Variants in RALGPS1 observed in about 807,000 individuals in gnomAD.
RALGPS1 encodes the protein Ral GEF with PH domain and SH3 binding motif 1.
A neutral mutation model predicts 78.8 loss-of-function variants in RALGPS1; 19 were observed. The ratio of observed to expected loss-of-function variants is 0.24; its 90% CI spans 0.17 to 0.35. The LOEUF is 0.35. Ranked by LOEUF, RALGPS1 falls within the 10% of genes least tolerant of loss-of-function variation. The pLI, the probability that RALGPS1 is intolerant of heterozygous loss-of-function variation, is 1.00. For synonymous variants in RALGPS1, 228 were observed against 256.3 expected, an observed-to-expected ratio of 0.89 and a Z score of 1.06; for missense variants, 454 against 688.3, an observed-to-expected ratio of 0.66 and a Z score of 3.81.
At chr9:127,153,078 T>C (rs780384017) in intron 8 of RALGPS1, among the ~76,000 whole-genome samples, 36 of 152,326 alleles carry the variant, frequency 2.4e-4, no homozygotes, top group African/African-American at 7.5e-4. Context: ...TCCTCCAGTG[T>C]ATGTGTTGAG....
Position 127,166,254 on chromosome 9 carries a change from T to A in RALGPS1, c.748+48T>A, listed in dbSNP as rs776516476. The A allele has an allele frequency of 6.2e-6, 10 of 1,605,364 alleles. No homozygotes were observed. The South Asian group carries it at 1.1e-4, about 18-fold the overall frequency. Reference sequence around the variant, plus strand: ...TTGTGAAATCTTACGTCATTGAAATTTGGGTCTTACCAGTGAGAAAGCTCT... The same window carrying A: ...TTGTGAAATCTTACGTCATTGAAATATGGGTCTTACCAGTGAGAAAGCTCT... On this transcript the variant is annotated intron_variant, in intron 9 of 18. Coordinates refer to ENST00000259351, the MANE Select transcript of RALGPS1 (RefSeq NM_014636.3).
chr9:127,140,996 G>A lies in RALGPS1; in HGVS notation c.611-25073G>A, dbSNP rs139840093. 6.7e-3 allele frequency among the ~76,000 whole-genome samples: 1,015 copies of A among 152,332 alleles called. 3 individuals are homozygous for A. Among genetic ancestry groups the A allele is most frequent in the South Asian group, 0.024 (114 of 4,828 alleles). On this transcript the variant is annotated intron_variant, in intron 8 of 18. Transcript: ENST00000259351. ...AGGGCTGAATAGCAGGGAGTTGGGG[G>A]TAGGCAGCTGCTGGGAAAGACCAGG...
chr9:127,021,629 T>TC (rs2045463091), intron 4 of RALGPS1, among the ~76,000 whole-genome samples: 2 of 57,166 alleles, frequency 3.5e-5, no homozygotes, highest in South Asian at 5.3e-4. Flanking sequence ...TTCTTCTTCT[T>TC]TTTTTTTTTT....
At position 127,222,749 on chromosome 9, in the gene RALGPS1, T is replaced by C. The variant is rs2096696078; in HGVS notation, c.*3980T>C. The C allele has an allele frequency of 1.3e-5, 2 of 152,688 alleles. No individual in the cohort carries two copies. Among genetic ancestry groups the C allele is most frequent in the South Asian group, 4.1e-4 (2 of 4,834 alleles). 9.5% of individuals were successfully genotyped at this position (152,688 alleles called of 1,614,324 possible). A position where few individuals can be genotyped will look rare whatever the true frequency, so the allele number is the denominator to read the frequency against. On this transcript the variant is annotated 3_prime_UTR_variant, in exon 19 of 19. Coordinates refer to ENST00000259351, the MANE Select transcript of RALGPS1 (RefSeq NM_014636.3). ...AGTATGGTATAATCTTTAATAAATT[T>C]CGTGCCAAAATGCATGGTTTTCCAC...
intron 1 of RALGPS1, among the ~76,000 whole-genome samples, chr9:126,946,738 A>G (rs2037310254): frequency 6.6e-6 from 1 of 151,570 alleles, no homozygotes; most frequent in African/African-American, 2.4e-5. Flanking sequence ...GAGGTAGACC[A>G]CCCTCATTTC....
Position 126,925,861 on chromosome 9 carries a change from A to G in RALGPS1, c.-66+10886A>G, listed in dbSNP as rs2035228217. Among the ~76,000 whole-genome samples, 3 of 152,366 alleles carry G rather than the reference A, an allele frequency of 2.0e-5. No individual in the cohort carries two copies. The South Asian group carries it at 6.2e-4, about 32-fold the overall frequency. ...CCTGAAAGATGAATTGAAGCTAGCC[A>G]GGTGGAGAGGTGGCAGTTGCATCTG... On this transcript the variant is annotated intron_variant, in intron 1 of 18. Coordinates refer to ENST00000259351, the MANE Select transcript of RALGPS1 (RefSeq NM_014636.3).
chr9:127,210,574 G>A, intron 14 of RALGPS1: 1 of 700,688 alleles, frequency 1.4e-6, no homozygotes, highest in Admixed American at 2.3e-5. Context: ...TGGGGAGGGA[G>A]GGAGGTTGCT....
intron 4 of RALGPS1, among the ~76,000 whole-genome samples, chr9:127,027,990 C>T (rs894628690): frequency 6.6e-6 from 1 of 152,242 alleles, no homozygotes; most frequent in African/African-American, 2.4e-5. Context: ...CATTTTAACA[C>T]TCAGTAAACA....
At chr9:127,088,919 G>A (rs755289672) in intron 8 of RALGPS1, 3 of 1,614,072 alleles carry the variant, frequency 1.9e-6, no homozygotes, top group South Asian at 1.1e-5. Context: ...GGCCACGAGA[G>A]GTCAGGAGGG....
chr9:127,039,575 G>A (rs2047121203), intron 5 of RALGPS1, among the ~76,000 whole-genome samples: 1 of 152,140 alleles, frequency 6.6e-6, no homozygotes, highest in African/African-American at 2.4e-5. Context: ...GGATGTGAAG[G>A]AGCCAGTGGA....
At chr9:127,076,322 T>G (rs1297737730) in intron 8 of RALGPS1, among the ~76,000 whole-genome samples, 10 of 152,346 alleles carry the variant, frequency 6.6e-5, no homozygotes, top group Non-Finnish European at 8.8e-5. Context: ...GGATCTTAAA[T>G]GGTTTAGAGC....
chr9:127,115,300 C>T (rs945330401), intron 8 of RALGPS1, among the ~76,000 whole-genome samples: 2 of 152,190 alleles, frequency 1.3e-5, no homozygotes, highest in African/African-American at 2.4e-5. Flanking sequence ...AGCAGTTCTC[C>T]TGCCTCAACC....
chr9:127,183,930 C>T lies in RALGPS1; in HGVS notation c.910+9148C>T, dbSNP rs759966018. The T allele has an allele frequency of 1.9e-6, 3 of 1,550,534 alleles. No individual in the cohort carries two copies. The highest frequency in any genetic ancestry group is 2.6e-6 in the Non-Finnish European group (3 of 1,147,010). On this transcript the variant is annotated intron_variant, in intron 11 of 18. Transcript: ENST00000259351. The surrounding 1 kb of genome is among the most constrained non-coding windows in gnomAD (Gnocchi z 4.0). The stretch of plus-strand genomic sequence containing the variant: ...GAAGAGGCAAGACTCAAACCCACCT[C>T]TGGCCAACACCCTGCCTGGATGTGG...
At chr9:127,012,005 G>A (rs1281946696) in intron 4 of RALGPS1, among the ~76,000 whole-genome samples, 4 of 152,204 alleles carry the variant, frequency 2.6e-5, no homozygotes, top group African/African-American at 9.6e-5. Context: ...TGTGTTGTTT[G>A]CCTTCCGACT....
At chr9:126,977,961 G>T in intron 4 of RALGPS1, 4 of 425,000 alleles carry the variant, frequency 9.4e-6, no homozygotes, top group Non-Finnish European at 1.7e-5. Context: ...CTCTGGCAGG[G>T]CTGGGAGCAG....
At chr9:127,195,067 T>A (rs752405867) in intron 11 of RALGPS1, 24 bp from the exon 12 acceptor site, 1 of 1,611,804 alleles carries the variant, frequency 6.2e-7, no homozygotes, top group Admixed American at 1.7e-5. Flanking sequence ...ACCCCCGTTG[T>A]TGCTCTCTCT....
At chr9:127,168,644 G>T in intron 9 of RALGPS1, 35 bp from the exon 10 acceptor site, 2 of 1,464,362 alleles carry the variant, frequency 1.4e-6, no homozygotes, top group Non-Finnish European at 9.6e-7. Context: ...AGATGGGAGA[G>T]CCTAAAGTTT....
intron 8 of RALGPS1, among the ~76,000 whole-genome samples, chr9:127,109,402 A>G (rs1251899802): frequency 3.3e-5 from 5 of 152,222 alleles, no homozygotes; most frequent in Non-Finnish European, 5.9e-5. Context: ...CATGTTATGG[A>G]ATACATTCAG....
chr9:126,940,268 G>A (rs1245134659), intron 1 of RALGPS1, among the ~76,000 whole-genome samples: 1 of 151,980 alleles, frequency 6.6e-6, no homozygotes, highest in African/African-American at 2.4e-5. Context: ...CTGTTCCATT[G>A]CACAGTTAGA....
Sources: allele counts gnomAD v4.1 joint callset (sites outside exome capture counted in the v4.1 genomes callset), GRCh38; gene constraint gnomAD v4.1.1; non-coding constraint Gnocchi (gnomAD v3.1); transcripts MANE v1.5; gene names NCBI Gene and HGNC (gene_info 2026-07-23, HGNC 2026-07-21).